CELF2: variants seen among roughly 807,000 people sequenced by gnomAD.
The protein encoded by CELF2 is CUGBP Elav-like family member 2.
CELF2 carries 8 observed loss-of-function variants against 62.6 expected under a neutral mutation model. That is an observed-to-expected ratio of 0.13 (90% confidence interval 0.07 to 0.23). The LOEUF is 0.23. CELF2 is among the 10% of genes least tolerant of loss of function. The pLI is 1.00. For synonymous variants in CELF2, 258 were observed against 250.0 expected (o/e 1.03, Z -0.30); for missense variants, 333 against 671.0 (o/e 0.50, Z 5.56).
At chr10:10,485,694 C>T in the CELF2 span, among the ~76,000 whole-genome samples, 1 of 152,130 alleles carries the variant, frequency 6.6e-6, no homozygotes, top group South Asian at 2.1e-4. Flanking sequence ...TTGCAGAATG[C>T]TTTGTGTTTA....
At chr10:11,033,898 T>G (rs535431421) in intron 1 of CELF2, among the ~76,000 whole-genome samples, 1 of 152,254 alleles carries the variant, frequency 6.6e-6, no homozygotes, top group Non-Finnish European at 1.5e-5. Context: ...CTGAACTGAT[T>G]AGTTGTTTTG....
chr10:10,725,839 A>C, the CELF2 span, among the ~76,000 whole-genome samples: 1 of 151,556 alleles, frequency 6.6e-6, no homozygotes, highest in Non-Finnish European at 1.5e-5. Flanking sequence ...TTTATTATTT[A>C]TTATTTATTT....
At chr10:11,235,721 G>A (rs1005763266) in intron 3 of CELF2, among the ~76,000 whole-genome samples, 7 of 151,634 alleles carry the variant, frequency 4.6e-5, no homozygotes, top group African/African-American at 1.7e-4. Context: ...ATGTTTAATG[G>A]ATTTGCATTT....
the CELF2 span, among the ~76,000 whole-genome samples, chr10:10,558,350 T>A: frequency 6.6e-6 from 1 of 151,366 alleles, no homozygotes; most frequent in South Asian, 2.1e-4. Context: ...TTGATTTGCG[T>A]ATATTGAACC....
chr10:10,598,531 G>A, the CELF2 span, among the ~76,000 whole-genome samples: 23 of 152,120 alleles, frequency 1.5e-4, no homozygotes, highest in Admixed American at 1.2e-3. Flanking sequence ...ATAGTGCATT[G>A]GTTAAGAGCC....
upstream of CELF2, among the ~76,000 whole-genome samples, chr10:11,004,385 C>T (rs1404286927): frequency 6.6e-6 from 1 of 151,144 alleles, no homozygotes; most frequent in Non-Finnish European, 1.5e-5. This position sits in a 1 kb window ranked among gnomAD's most constrained non-coding sequence, Gnocchi z 5.0. Context: ...TTGCTCAGTC[C>T]TTAGCATCTC....
upstream of CELF2, among the ~76,000 whole-genome samples, chr10:11,014,749 G>T (rs561864638): frequency 2.0e-5 from 3 of 152,242 alleles, no homozygotes; most frequent in South Asian, 2.1e-4. Flanking sequence ...GCCTGGGAAG[G>T]CCTCATATAA....
In CELF2 at chr10:11,039,833, C is replaced by T. The variant is rs1457378055; in HGVS notation, c.74+21670C>T. Reference sequence around the variant, plus strand: ...CATGGACCAGAGTAACCTAAAGATGCATGTTGGTATATATTTTAATTCCAG... The same window carrying T: ...CATGGACCAGAGTAACCTAAAGATGTATGTTGGTATATATTTTAATTCCAG... On this transcript the variant is annotated intron_variant, in intron 1 of 12. Transcript: ENST00000633077. This position sits in a 1 kb window ranked among gnomAD's most constrained non-coding sequence, Gnocchi z 4.1. Among the ~76,000 whole-genome samples the T allele has an allele frequency of 6.6e-6, 1 of 152,112 alleles. No individual in the cohort carries two copies. Among genetic ancestry groups the T allele is most frequent in the Non-Finnish European group, 1.5e-5 (1 of 68,026 alleles).
In CELF2 at chr10:11,182,898, G is replaced by A. The variant is rs577813976; in HGVS notation, c.271+17216G>A. Reference sequence around the variant, plus strand: ...ACTTGAGTTTTTTAATGTTCCTACCGCCATTTGTGCATTCCTACTGTTGTC... The same window carrying A: ...ACTTGAGTTTTTTAATGTTCCTACCACCATTTGTGCATTCCTACTGTTGTC... On this transcript the variant is annotated intron_variant, in intron 2 of 12. Transcript: ENST00000633077. 1.7e-4 allele frequency among the ~76,000 whole-genome samples: 26 copies of A among 152,130 alleles called. 1 individual carries two copies. In the South Asian group the frequency reaches 2.5e-3, roughly 15 times the overall value.
At chr10:11,273,285 G>A (rs191592879) in intron 7 of CELF2, among the ~76,000 whole-genome samples, 51 of 152,218 alleles carry the variant, frequency 3.4e-4, no homozygotes, top group Admixed American at 7.8e-4. Flanking sequence ...AGGAGCGGCA[G>A]GCGAGAGAGC....
intron 1 of CELF2, among the ~76,000 whole-genome samples, chr10:11,062,745 A>G (rs1255066699): frequency 6.6e-6 from 1 of 152,222 alleles, no homozygotes; most frequent in Non-Finnish European, 1.5e-5. Flanking sequence ...AAGGATTCAT[A>G]ATATTCCATA....
the CELF2 span, among the ~76,000 whole-genome samples, chr10:10,575,282 G>A: frequency 1.3e-5 from 2 of 152,110 alleles, no homozygotes; most frequent in East Asian, 1.9e-4. Flanking sequence ...TGTAGAATAA[G>A]GTCTAACTCA....
the CELF2 span, among the ~76,000 whole-genome samples, chr10:10,512,139 G>T: frequency 6.6e-6 from 1 of 152,070 alleles, no homozygotes; most frequent in Non-Finnish European, 1.5e-5. Flanking sequence ...CTTGCTCGAG[G>T]GTATAAATGA....
Position 10,871,306 on chromosome 10 carries a change from T to C in CELF2, c.54-48658T>C, listed in dbSNP as rs565817790. On this transcript the variant is annotated intron_variant, in intron 1 of 13. Coordinates refer to the CELF2 transcript ENST00000636488. ...GAAAGGGAAATGATACTGATGTCACTGGCTGGCATTTTGCACATCTTTAAA... is the reference window on the plus strand; with the variant it reads ...GAAAGGGAAATGATACTGATGTCACCGGCTGGCATTTTGCACATCTTTAAA... Among the ~76,000 whole-genome samples the C allele has an allele frequency of 2.0e-5, 3 of 152,378 alleles. No homozygotes were observed. In the South Asian group the frequency reaches 6.2e-4, roughly 32 times the overall value.
At chr10:10,951,497 A>C (rs976374782) in intron 2 of CELF2, among the ~76,000 whole-genome samples, 7 of 152,184 alleles carry the variant, frequency 4.6e-5, no homozygotes, top group African/African-American at 7.2e-5. Flanking sequence ...TCATTGTAAA[A>C]AGTTTCTGTT....
intron 2 of CELF2, among the ~76,000 whole-genome samples, chr10:10,985,330 G>T (rs1490972409): frequency 7.2e-6 from 1 of 138,132 alleles, no homozygotes; most frequent in South Asian, 2.1e-4. Context: ...GCTATTAGAA[G>T]TAAAAAAAAA....
At chr10:10,903,903 C>T (rs191292739) in intron 1 of CELF2, among the ~76,000 whole-genome samples, 1 of 151,978 alleles carries the variant, frequency 6.6e-6, no homozygotes, top group Admixed American at 6.5e-5. Context: ...GCCTGCATAG[C>T]ATAAACGACT....
At chr10:10,596,090 T>C in the CELF2 span, among the ~76,000 whole-genome samples, 2 of 152,130 alleles carry the variant, frequency 1.3e-5, no homozygotes, top group Non-Finnish European at 2.9e-5. Flanking sequence ...AGAACCCTTG[T>C]GGGCTAAGCC....
chr10:10,888,714 C>T (rs1057032986), intron 1 of CELF2, among the ~76,000 whole-genome samples: 2 of 152,210 alleles, frequency 1.3e-5, no homozygotes, highest in African/African-American at 2.4e-5. Flanking sequence ...CTGCCTCAAA[C>T]ACTCTTTTTC....
Sources: gnomAD v4.1 joint callset for allele counts (sites outside exome capture counted in the v4.1 genomes callset) on GRCh38, gnomAD v4.1.1 for gene constraint, Gnocchi (gnomAD v3.1) non-coding constraint, MANE v1.5 for transcripts, NCBI Gene and HGNC (gene_info 2026-07-23, HGNC 2026-07-21) for gene names.